Variants in MARCHF1 observed in about 807,000 individuals in gnomAD.
MARCHF1 encodes the protein E3 ubiquitin-protein ligase MARCHF1.
MARCHF1 carries 40 observed loss-of-function variants against 54.2 expected under a neutral mutation model. The observed-to-expected ratio is 0.74, with a 90% CI of 0.57 to 0.96. The LOEUF (loss-of-function observed/expected upper bound fraction) is 0.96. Among genes scored for constraint, MARCHF1 ranks in the 40% least tolerant of loss-of-function variants. MARCHF1 has a pLI of 0.00. For missense variants in MARCHF1, 586 were observed against 656.5 expected (o/e 0.89, Z 1.17); for synonymous variants, 236 against 236.3 (o/e 1.00, Z 0.01).
chr4:163,701,073 C>T (rs1044236521), intron 4 of MARCHF1, among the ~76,000 whole-genome samples: 1 of 152,096 alleles, frequency 6.6e-6, no homozygotes, highest in African/African-American at 2.4e-5. Flanking sequence ...TTTAAAAATG[C>T]TTCAATTAAT....
intron 1 of MARCHF1, among the ~76,000 whole-genome samples, chr4:164,238,580 G>A (rs1014727652): frequency 2.0e-5 from 3 of 151,700 alleles, no homozygotes; most frequent in African/African-American, 7.3e-5. Flanking sequence ...TAAAAAGTAA[G>A]AGATAAAAAA....
At chr4:163,707,507 A>C (rs1455005924) in intron 4 of MARCHF1, among the ~76,000 whole-genome samples, 1 of 152,050 alleles carries the variant, frequency 6.6e-6, no homozygotes, top group East Asian at 1.9e-4. Flanking sequence ...TTAAAGTAGC[A>C]ACAAGACATC....
chr4:164,220,263 CAT>C (rs1401866441), intron 1 of MARCHF1, among the ~76,000 whole-genome samples: 1 of 145,748 alleles, frequency 6.9e-6, no homozygotes, highest in Non-Finnish European at 1.5e-5. Context: ...TATATATACA[CAT>C]ACATATGTAT....
chr4:163,896,591 G>A (rs1750811521), intron 3 of MARCHF1, among the ~76,000 whole-genome samples: 1 of 152,048 alleles, frequency 6.6e-6, no homozygotes, highest in Non-Finnish European at 1.5e-5. Flanking sequence ...CTTCTCACCT[G>A]GACTTGTATA....
intron 4 of MARCHF1, among the ~76,000 whole-genome samples, chr4:163,742,136 A>C (rs1433457752): frequency 6.6e-6 from 1 of 152,144 alleles, no homozygotes; most frequent in Non-Finnish European, 1.5e-5. Context: ...CATAACCAAA[A>C]ATCATGGGGA....
At chr4:164,148,768 G>C (rs559783911) in intron 1 of MARCHF1, among the ~76,000 whole-genome samples, 66 of 150,940 alleles carry the variant, frequency 4.4e-4, no homozygotes, top group African/African-American at 1.5e-3. Flanking sequence ...ATTCCTATAA[G>C]TAATTCTAGA....
intron 1 of MARCHF1, among the ~76,000 whole-genome samples, chr4:164,215,013 C>T (rs1183432405): frequency 6.6e-6 from 1 of 152,158 alleles, no homozygotes; most frequent in Non-Finnish European, 1.5e-5. Flanking sequence ...AGCTGAAGCC[C>T]CAGTGGGCAT....
intron 1 of MARCHF1, among the ~76,000 whole-genome samples, chr4:164,373,267 T>G (rs2110963786): frequency 6.6e-6 from 1 of 152,190 alleles, no homozygotes; most frequent in South Asian, 2.1e-4. Flanking sequence ...TGGCCTGGAA[T>G]TTGAGCTTCT....
At chr4:164,381,439 CCTT>C (rs769606829) in intron 1 of MARCHF1, among the ~76,000 whole-genome samples, 4 of 152,046 alleles carry the variant, frequency 2.6e-5, no homozygotes, top group Non-Finnish European at 2.9e-5. Context: ...GTACTTTTGA[CCTT>C]CTTGGATAAA....
At chr4:163,613,250 AAAC>A (rs1233220264) in intron 6 of MARCHF1, 61 bp downstream of exon 6, 8 of 1,500,688 alleles carry the variant, frequency 5.3e-6, no homozygotes, top group East Asian at 4.6e-5. Flanking sequence ...TTCTCAGAAC[AAAC>A]AACAAGAATA....
intron 1 of MARCHF1, among the ~76,000 whole-genome samples, chr4:164,204,239 C>T (rs997694346): frequency 6.6e-6 from 1 of 152,068 alleles, no homozygotes; most frequent in African/African-American, 2.4e-5. Flanking sequence ...TAAAAAACAA[C>T]AAACTGATAG....
In MARCHF1 at chr4:163,733,197, A is replaced by ACATACACATG. The variant is rs1554008827; in HGVS notation, c.112-32335_112-32334insCATGTGTATG. On this transcript the variant is annotated intron_variant, in intron 4 of 9. Transcript: ENST00000514618. ...TGTGTGTATATATATATATATATAT[A>ACATACACATG]TATATATATATATATATATATATAC... Among the ~76,000 whole-genome samples, 31 of 32,308 alleles carry ACATACACATG rather than the reference A, an allele frequency of 9.6e-4. 1 individual carries two copies. The highest frequency in any genetic ancestry group is 3.6e-3 in the East Asian group (3 of 822). The allele number at this position is 32,308 out of a possible 152,430, so 21.2% of individuals were successfully genotyped here.
intron 4 of MARCHF1, among the ~76,000 whole-genome samples, chr4:163,758,680 G>C (rs967113418): frequency 6.6e-6 from 1 of 152,170 alleles, no homozygotes; most frequent in Non-Finnish European, 1.5e-5. Context: ...ACTTTTATGA[G>C]TAAAGATGAA....
Position 164,012,075 on chromosome 4 carries a change from G to A in MARCHF1, c.-247-23366C>T, listed in dbSNP as rs552231484. The stretch of plus-strand genomic sequence containing the variant: ...TACACCAGCAGGAAAAACCTCAGTC[G>A]TAGCTAGCTTCACCACTAGCTGACG... On this transcript the variant is annotated intron_variant, in intron 2 of 9. Transcript: ENST00000514618. Among the ~76,000 whole-genome samples the A allele has an allele frequency of 7.9e-5, 12 of 152,280 alleles. No individual in the cohort carries two copies. In the East Asian group the frequency reaches 1.4e-3, roughly 17 times the overall value.
At chr4:163,600,220 C>T (rs2036908) in intron 7 of MARCHF1, among the ~76,000 whole-genome samples, 66,265 of 151,386 alleles carry the variant, frequency 0.44, 14,466 homozygotes, top group East Asian at 0.51. Context: ...TTTATATACA[C>T]ACACACTACA....
At chr4:163,876,868 C>T (rs1426492557) in intron 3 of MARCHF1, among the ~76,000 whole-genome samples, 5 of 151,876 alleles carry the variant, frequency 3.3e-5, no homozygotes, top group Admixed American at 1.3e-4. Flanking sequence ...CTCCAAATAA[C>T]CATAAGAAGA....
intron 3 of MARCHF1, among the ~76,000 whole-genome samples, chr4:163,939,949 T>C (rs1751876940): frequency 6.6e-6 from 1 of 152,180 alleles, no homozygotes; most frequent in South Asian, 2.1e-4. Flanking sequence ...TATGTTGAAA[T>C]CCTAAATCCT....
At position 164,172,877 on chromosome 4, in the gene MARCHF1, A is replaced by C. The variant is rs1046148742; in HGVS notation, c.-322-61215T>G. On this transcript the variant is annotated intron_variant, in intron 1 of 9. Transcript: ENST00000514618. ...GGGCCTGTAGTCCCAGCTACTCAGGAGGCTGAGGCAGGAGAATGGCGTGAA... is the reference window on the plus strand; with the variant it reads ...GGGCCTGTAGTCCCAGCTACTCAGGCGGCTGAGGCAGGAGAATGGCGTGAA... Among the ~76,000 whole-genome samples, 4 of 150,958 alleles carry C rather than the reference A, an allele frequency of 2.6e-5. 1 individual carries two copies. Among genetic ancestry groups the C allele is most frequent in the African/African-American group, 9.8e-5 (4 of 40,926 alleles).
intron 1 of MARCHF1, among the ~76,000 whole-genome samples, chr4:164,273,290 T>G (rs1133407): frequency 0.7 from 106,016 of 151,916 alleles, 38,154 homozygotes; most frequent in Non-Finnish European, 0.79. Flanking sequence ...AAAGGGGAAA[T>G]AATCCCTTAT....
Sources: allele counts gnomAD v4.1 joint callset (sites outside exome capture counted in the v4.1 genomes callset), GRCh38; gene constraint gnomAD v4.1.1; transcripts MANE v1.5; gene names NCBI Gene and HGNC (gene_info 2026-07-23, HGNC 2026-07-21).